MTDH: variants seen among roughly 807,000 people sequenced by gnomAD.
The protein encoded by MTDH is protein LYRIC.
A neutral mutation model predicts 72.7 loss-of-function variants in MTDH; 34 were observed. The ratio of observed to expected loss-of-function variants is 0.47; its 90% CI spans 0.36 to 0.62. The LOEUF (loss-of-function observed/expected upper bound fraction) is 0.62, where lower values mean the gene tolerates loss of function less well. Among genes scored for constraint, MTDH ranks in the 20% least tolerant of loss-of-function variants. The pLI, the probability that MTDH is intolerant of heterozygous loss-of-function variation, is 0.00. For missense variants in MTDH, 677 were observed against 699.4 expected (o/e 0.97, Z 0.36); for synonymous variants, 266 against 268.9 (o/e 0.99, Z 0.10).
intron 1 of MTDH, among the ~76,000 whole-genome samples, chr8:97,648,491 T>C (rs968097525): frequency 6.7e-5 from 9 of 135,102 alleles, no homozygotes; most frequent in Non-Finnish European, 3.0e-5. Flanking sequence ...CAAAGAAAAT[T>C]GTCTTTTTTT....
intron 2 of MTDH, among the ~76,000 whole-genome samples, chr8:97,682,245 TATATATATATATA>T (rs1813128033): frequency 8.2e-5 from 1 of 12,138 alleles, no homozygotes. Context: ...TATATATATA[TATATATATATATA>T]TATATATATA....
chr8:97,686,063 T>C (rs1813350061), intron 2 of MTDH, among the ~76,000 whole-genome samples: 1 of 152,226 alleles, frequency 6.6e-6, no homozygotes, highest in South Asian at 2.1e-4. Flanking sequence ...TATTTTCACA[T>C]TGCTTTGAAA....
intron 6 of MTDH, among the ~76,000 whole-genome samples, chr8:97,694,278 A>G (rs1813737023): frequency 6.6e-6 from 1 of 151,212 alleles, no homozygotes; most frequent in Admixed American, 6.6e-5. Flanking sequence ...GCTCACCACA[A>G]CCACCGCCTC....
intron 1 of MTDH, among the ~76,000 whole-genome samples, chr8:97,646,212 G>A (rs1325857665): frequency 6.6e-6 from 1 of 152,188 alleles, no homozygotes; most frequent in Non-Finnish European, 1.5e-5. Context: ...TTAGAGATGT[G>A]ACAGGTCACA....
intron 4 of MTDH, among the ~76,000 whole-genome samples, chr8:97,687,970 G>A (rs1813432946): frequency 6.6e-6 from 1 of 152,198 alleles, no homozygotes; most frequent in African/African-American, 2.4e-5. Flanking sequence ...CATTTTGCAT[G>A]TTGAGAGCTT....
intron 8 of MTDH, among the ~76,000 whole-genome samples, chr8:97,709,352 A>T (rs1289563248): frequency 6.6e-6 from 1 of 152,146 alleles, no homozygotes; most frequent in Non-Finnish European, 1.5e-5. Context: ...CAATATCGTA[A>T]TATATAATAC....
chr8:97,669,746 G>A (rs754778170), intron 2 of MTDH, among the ~76,000 whole-genome samples: 20 of 151,738 alleles, frequency 1.3e-4, no homozygotes, highest in Admixed American at 3.9e-4. Context: ...GTGAAATCCC[G>A]TCTGTACTGA....
chr8:97,672,058 A>C (rs370555708), intron 2 of MTDH, among the ~76,000 whole-genome samples: 3 of 152,216 alleles, frequency 2.0e-5, no homozygotes, highest in African/African-American at 7.2e-5. Context: ...AAGAGTTTAT[A>C]CACATGTGTA....
intron 2 of MTDH, among the ~76,000 whole-genome samples, chr8:97,669,648 G>A (rs1464129849): frequency 1.3e-5 from 2 of 152,036 alleles, no homozygotes; most frequent in Non-Finnish European, 2.9e-5. Context: ...CAATCACAGT[G>A]GCTCATGCCT....
intron 2 of MTDH, among the ~76,000 whole-genome samples, chr8:97,673,003 A>G (rs1373685493): frequency 2.6e-5 from 4 of 152,162 alleles, no homozygotes; most frequent in Non-Finnish European, 5.9e-5. Flanking sequence ...GAGGGACCGA[A>G]TAAGAGTTAG....
At chr8:97,715,848 A>G (rs978921800) in intron 9 of MTDH, among the ~76,000 whole-genome samples, 3 of 152,218 alleles carry the variant, frequency 2.0e-5, no homozygotes. Context: ...TGTTTAACGT[A>G]TTGGCAAAGG....
chr8:97,696,403 AG>A, intron 6 of MTDH: 5 of 436,036 alleles, frequency 1.1e-5, no homozygotes, highest in Non-Finnish European at 1.2e-5. Context: ...TATAAATAGC[AG>A]GTATTATAAA....
chr8:97,651,437 C>A (rs1451456651), intron 1 of MTDH, among the ~76,000 whole-genome samples: 1 of 151,992 alleles, frequency 6.6e-6, no homozygotes, highest in African/African-American at 2.4e-5. Flanking sequence ...AAAAAGCACC[C>A]AAAAAATGCA....
At chr8:97,675,246 A>G (rs991261170) in intron 2 of MTDH, among the ~76,000 whole-genome samples, 3 of 152,234 alleles carry the variant, frequency 2.0e-5, no homozygotes, top group Admixed American at 2.0e-4. Flanking sequence ...TCCAGAATAG[A>G]GAATTAATAA....
intron 1 of MTDH, among the ~76,000 whole-genome samples, chr8:97,651,030 A>G (rs552869339): frequency 6.6e-6 from 1 of 152,344 alleles, no homozygotes; most frequent in Admixed American, 6.5e-5. Flanking sequence ...TCACACACAT[A>G]AAAGGTATGT....
chr8:97,711,771 G>A (rs1468069324), intron 8 of MTDH, among the ~76,000 whole-genome samples: 5 of 152,128 alleles, frequency 3.3e-5, no homozygotes, highest in African/African-American at 9.7e-5. Flanking sequence ...ATTAACAACA[G>A]TAATCATAAA....
chr8:97,682,108 G>A (rs1360486662), intron 2 of MTDH, among the ~76,000 whole-genome samples: 2 of 150,816 alleles, frequency 1.3e-5, no homozygotes, highest in Non-Finnish European at 3.0e-5. Flanking sequence ...TAAGAAGTAA[G>A]ATGTTTGCTT....
rs777082189 is a variant in MTDH at position 97,725,501 on chromosome 8, A to G, written c.*831A>G. ...TAGCAATTACTTTTTTCCAGCTTCAACTCTTCTTAGTTACTAATACTTTGT... is the reference window on the plus strand; with the variant it reads ...TAGCAATTACTTTTTTCCAGCTTCAGCTCTTCTTAGTTACTAATACTTTGT... On this transcript the variant is annotated 3_prime_UTR_variant, in exon 12 of 12. Coordinates refer to ENST00000336273, the MANE Select transcript of MTDH (RefSeq NM_178812.4). 1 of 152,530 alleles carries G rather than the reference A, an allele frequency of 6.6e-6. No individual in the cohort carries two copies. The highest frequency in any genetic ancestry group is 1.5e-5 in the Non-Finnish European group (1 of 68,016). 9.4% of individuals were successfully genotyped at this position (152,530 alleles called of 1,614,324 possible).
chr8:97,650,082 G>C (rs1412330085), intron 1 of MTDH, among the ~76,000 whole-genome samples: 1 of 151,850 alleles, frequency 6.6e-6, no homozygotes, highest in African/African-American at 2.4e-5. Flanking sequence ...TCAGCCTCCT[G>C]AGTAGCTGGG....
Sources: allele counts gnomAD v4.1 joint callset (sites outside exome capture counted in the v4.1 genomes callset), GRCh38; gene constraint gnomAD v4.1.1; transcripts MANE v1.5; gene names NCBI Gene and HGNC (gene_info 2026-07-23, HGNC 2026-07-21).